FAM163A: variants seen among roughly 807,000 people sequenced by gnomAD.
FAM163A encodes the protein family with sequence similarity 163 member A, also known as protein FAM163A.
Under a neutral mutation model 12.0 loss-of-function variants are expected in FAM163A, and 7 were observed. The ratio of observed to expected loss-of-function variants is 0.58; its 90% CI spans 0.33 to 1.10. FAM163A has a LOEUF of 1.10. Ranked by LOEUF, FAM163A falls within the 50% of genes least tolerant of loss-of-function variation. The probability of loss-of-function intolerance (pLI) is 0.03; values close to 1 mark genes in which losing one functional copy is unlikely to be tolerated. For synonymous variants in FAM163A, 101 were observed against 91.0 expected (o/e 1.11, Z -0.62); for missense variants, 202 against 218.6 (o/e 0.92, Z 0.48).
rs1212828402 is a variant in FAM163A at position 179,803,729 on chromosome 1, C to T, written c.-135-4069C>T. 3.3e-5 allele frequency among the ~76,000 whole-genome samples: 5 copies of T among 151,942 alleles called. No individual in the cohort carries two copies. In the South Asian group the frequency reaches 6.2e-4, roughly 19 times the overall value. On this transcript the variant is annotated intron_variant, in intron 1 of 4. Transcript: ENST00000341785. ...GATTACAGGCACGTGCTACCACGCC[C>T]GGCTAATTTTTGTGTTTTTAATAGA... is the stretch of plus-strand genomic sequence containing the variant.
chr1:179,795,294 T>C (rs1029722417), intron 1 of FAM163A, among the ~76,000 whole-genome samples: 11 of 152,228 alleles, frequency 7.2e-5, no homozygotes, highest in African/African-American at 2.4e-4. Flanking sequence ...TCAAATCACC[T>C]CTGCCAGTTT....
intron 1 of FAM163A, among the ~76,000 whole-genome samples, chr1:179,749,726 G>A (rs949037897): frequency 6.6e-6 from 1 of 152,150 alleles, no homozygotes; most frequent in Non-Finnish European, 1.5e-5. Context: ...AGGCATGGTG[G>A]CATGTGCCTG....
intron 1 of FAM163A, among the ~76,000 whole-genome samples, chr1:179,775,548 G>A (rs1688838110): frequency 6.6e-6 from 1 of 152,068 alleles, no homozygotes; most frequent in Admixed American, 6.6e-5. Flanking sequence ...TGCCTCAATC[G>A]CAATATCCCC....
At chr1:179,805,959 G>C (rs549096571) in intron 1 of FAM163A, among the ~76,000 whole-genome samples, 17 of 152,120 alleles carry the variant, frequency 1.1e-4, no homozygotes, top group Non-Finnish European at 7.3e-5. Context: ...TCTGGAGGCC[G>C]CCTGCAGCCT....
intron 1 of FAM163A, among the ~76,000 whole-genome samples, chr1:179,769,333 T>C (rs1175628286): frequency 1.3e-5 from 2 of 151,836 alleles, no homozygotes; most frequent in African/African-American, 4.8e-5. Flanking sequence ...TTTTTTTTTT[T>C]GTAGAGATGG....
intron 1 of FAM163A, among the ~76,000 whole-genome samples, chr1:179,767,706 T>C (rs1461210684): frequency 6.6e-6 from 1 of 152,066 alleles, no homozygotes; most frequent in Non-Finnish European, 1.5e-5. Context: ...TTCTCTCCCA[T>C]CCCTCTCCCC....
chr1:179,727,963 G>T, the FAM163A span, among the ~76,000 whole-genome samples: 1 of 152,150 alleles, frequency 6.6e-6, no homozygotes, highest in East Asian at 1.9e-4. Flanking sequence ...GGAGGGTAAA[G>T]ATAGGAGCTT....
Position 179,813,878 on chromosome 1 carries a change from T to C in FAM163A, c.193T>C (p.Cys65Arg). 6.2e-7 allele frequency: 1 copy of C among 1,613,932 alleles called. No homozygotes were observed. Among genetic ancestry groups the C allele is most frequent in the Non-Finnish European group, 8.5e-7 (1 of 1,180,004 alleles). Residue 65 changes from cysteine (C) to arginine (R), a missense_variant, in exon 5 of 5, where the codon TGC (cysteine) becomes CGC (arginine). Physicochemically the swap from Cys to Arg is radical, Grantham distance 180. Transcript: ENST00000341785. ...TCCCAGAGGCCCCACCTGCAATGCC[T>C]GCAGCTCCCAAGCCCTGGACGGCAG... The part of the protein sequence containing the change: ...THPRGPTCNA[C>R]SSQALDGRGS...
intron 1 of FAM163A, among the ~76,000 whole-genome samples, chr1:179,802,125 T>G (rs1156435828): frequency 6.6e-6 from 1 of 152,240 alleles, no homozygotes; most frequent in African/African-American, 2.4e-5. Flanking sequence ...TAGCACAGTA[T>G]CATGATCATT....
chr1:179,747,602 T>C (rs186166561), intron 1 of FAM163A, among the ~76,000 whole-genome samples: 1 of 152,328 alleles, frequency 6.6e-6, no homozygotes, highest in Admixed American at 6.5e-5. Context: ...ATCTCGGGTA[T>C]ATGTGAGAGC....
At chr1:179,808,478 G>A (rs572103753) in intron 2 of FAM163A, among the ~76,000 whole-genome samples, 2 of 152,302 alleles carry the variant, frequency 1.3e-5, no homozygotes, top group Admixed American at 6.5e-5. Flanking sequence ...CATGTATGTG[G>A]CTGTTCAGTT....
chr1:179,744,702 T>C (rs1684201416), intron 1 of FAM163A, among the ~76,000 whole-genome samples: 1 of 152,076 alleles, frequency 6.6e-6, no homozygotes, highest in Non-Finnish European at 1.5e-5. Flanking sequence ...CCGCAGGCAC[T>C]TTCTCCTGTC....
At chr1:179,777,843 A>G (rs1689188127) in intron 1 of FAM163A, among the ~76,000 whole-genome samples, 2 of 152,112 alleles carry the variant, frequency 1.3e-5, no homozygotes, top group African/African-American at 4.8e-5. Flanking sequence ...TTCTCTTTTC[A>G]CGTTGGTTGC....
At chr1:179,794,201 C>T (rs1691938411) in intron 1 of FAM163A, among the ~76,000 whole-genome samples, 1 of 152,230 alleles carries the variant, frequency 6.6e-6, no homozygotes, top group Non-Finnish European at 1.5e-5. Flanking sequence ...CCTGTCTTTG[C>T]TGCACAGTTT....
At chr1:179,803,059 A>G (rs1298462943) in intron 1 of FAM163A, among the ~76,000 whole-genome samples, 1 of 152,114 alleles carries the variant, frequency 6.6e-6, no homozygotes. Context: ...TGTAATGGGC[A>G]TATATACAAT....
chr1:179,795,990 T>C (rs1439542843), intron 1 of FAM163A, among the ~76,000 whole-genome samples: 1 of 74,700 alleles, frequency 1.3e-5, no homozygotes, highest in Non-Finnish European at 2.6e-5. Flanking sequence ...TTTACAACTG[T>C]GTCTCCTTAG....
chr1:179,812,666 G>T (rs1023450565), intron 3 of FAM163A, among the ~76,000 whole-genome samples: 1 of 152,130 alleles, frequency 6.6e-6, no homozygotes, highest in Non-Finnish European at 1.5e-5. Context: ...GCTAATAACT[G>T]CCCCGAAGGG....
intron 1 of FAM163A, among the ~76,000 whole-genome samples, chr1:179,771,594 C>T (rs1391643704): frequency 6.6e-6 from 1 of 152,114 alleles, no homozygotes; most frequent in South Asian, 2.1e-4. Context: ...TCCGTCTACA[C>T]CTGTGCTTGG....
intron 1 of FAM163A, among the ~76,000 whole-genome samples, chr1:179,785,770 A>G (rs1000606919): frequency 3.3e-5 from 5 of 152,196 alleles, no homozygotes; most frequent in Non-Finnish European, 5.9e-5. Context: ...AAAGAGTGTC[A>G]TTTACTAATA....
Sources: gnomAD v4.1 joint callset for allele counts (sites outside exome capture counted in the v4.1 genomes callset) on GRCh38, gnomAD v4.1.1 for gene constraint, MANE v1.5 for transcripts, NCBI Gene and HGNC (gene_info 2026-07-23, HGNC 2026-07-21) for gene names.